The following AP1G1 variants were observed in gnomAD, a reference collection of about 807,000 sequenced individuals.
AP1G1 encodes the protein adaptor related protein complex 1 subunit gamma 1, also known as AP-1 complex subunit gamma-1.
Under a neutral mutation model 108.3 loss-of-function variants are expected in AP1G1, and 7 were observed. That is an observed-to-expected ratio of 0.06 (90% CI 0.04 to 0.12). The LOEUF (loss-of-function observed/expected upper bound fraction) is 0.12, where lower values mean the gene tolerates loss of function less well. Ranked by LOEUF, AP1G1 falls within the 10% of genes least tolerant of loss-of-function variation. The pLI, the probability that AP1G1 is intolerant of heterozygous loss-of-function variation, is 1.00. For missense variants in AP1G1, 756 were observed against 1,010.7 expected (o/e 0.75, Z 3.42); for synonymous variants, 379 against 353.5 (o/e 1.07, Z -0.81).
At chr16:71,748,057 A>T (rs2030277351) in intron 16 of AP1G1, among the ~76,000 whole-genome samples, 194 bp downstream of exon 16, 1 of 152,250 alleles carries the variant, frequency 6.6e-6, no homozygotes, top group South Asian at 2.1e-4. Flanking sequence ...GAGAGGGAAC[A>T]AAGTGCTGAT....
At chr16:71,772,603 C>T (rs1460859823) in intron 4 of AP1G1, among the ~76,000 whole-genome samples, 3 of 152,152 alleles carry the variant, frequency 2.0e-5, no homozygotes, top group East Asian at 1.9e-4. Flanking sequence ...ATGGCTTGGC[C>T]TTTTCAATGC....
At position 71,761,534 on chromosome 16, in the gene AP1G1, A is replaced by G. The variant is rs377729768; in HGVS notation, c.952T>C (p.Leu318=). The change falls in exon 10 of 23, where the codon TTG becomes CTG. Residue 318 remains leucine (L), a synonymous_variant. Transcript: ENST00000299980. Reference sequence around the variant, plus strand: ...TACCTAATATTCTTGTCATTGTTCAATAAGAAACGACCCAGGATATTTATG... The same window carrying G: ...TACCTAATATTCTTGTCATTGTTCAGTAAGAAACGACCCAGGATATTTATG... ...LAINILGRFL[L]NNDKNIRYVA... 2.4e-5 allele frequency: 38 copies of G among 1,606,582 alleles called. No individual in the cohort carries two copies. The highest frequency in any genetic ancestry group is 2.3e-4 in the African/African-American group (17 of 74,702).
intron 2 of AP1G1, among the ~76,000 whole-genome samples, chr16:71,782,948 G>C (rs578143138): frequency 6.6e-6 from 1 of 152,146 alleles, no homozygotes; most frequent in South Asian, 2.1e-4. Context: ...CCTGGATTTG[G>C]GATCAGCCAT....
chr16:71,770,621 G>A (rs998668139), intron 5 of AP1G1, among the ~76,000 whole-genome samples: 1 of 152,214 alleles, frequency 6.6e-6, no homozygotes, highest in Non-Finnish European at 1.5e-5. Context: ...GGGACCACAG[G>A]CATGTGCCAT....
intron 10 of AP1G1, among the ~76,000 whole-genome samples, chr16:71,760,303 G>T (rs552499332): frequency 6.6e-6 from 1 of 151,162 alleles, no homozygotes; most frequent in Admixed American, 6.6e-5. Flanking sequence ...AGCACTTCAG[G>T]AGGACAAGGT....
At chr16:71,772,907 G>A (rs906369024) in intron 4 of AP1G1, 5 of 389,132 alleles carry the variant, frequency 1.3e-5, no homozygotes, top group African/African-American at 8.4e-5. Flanking sequence ...ACAAAGATAT[G>A]GGTATTAATT....
intron 11 of AP1G1, 30 bp downstream of exon 11, chr16:71,758,778 C>G (rs2030933828): frequency 7.3e-7 from 1 of 1,369,516 alleles, no homozygotes; most frequent in Non-Finnish European, 1.0e-6. Flanking sequence ...ACCAAAAACA[C>G]TAGACTGAGA....
At chr16:71,780,284 G>A (rs1356621476) in intron 2 of AP1G1, among the ~76,000 whole-genome samples, 3 of 151,720 alleles carry the variant, frequency 2.0e-5, no homozygotes, top group Non-Finnish European at 4.4e-5. Flanking sequence ...CCACCGCGCC[G>A]GCCAAAAGTT....
chr16:71,774,926 G>GAA (rs1465804571), intron 2 of AP1G1, among the ~76,000 whole-genome samples: 1 of 151,172 alleles, frequency 6.6e-6, no homozygotes, highest in African/African-American at 2.4e-5. Flanking sequence ...TCACCATGTT[G>GAA]GTCAGGCTGG....
At chr16:71,756,804 T>G (rs896761484) in intron 11 of AP1G1, among the ~76,000 whole-genome samples, 1 of 151,624 alleles carries the variant, frequency 6.6e-6, no homozygotes, top group Non-Finnish European at 1.5e-5. Context: ...TAGCCGGGCA[T>G]GGTGGTGGGC....
chr16:71,766,461 C>T (rs970228052), intron 6 of AP1G1: 4 of 465,004 alleles, frequency 8.6e-6, no homozygotes, highest in South Asian at 1.6e-5. Context: ...TGATCAATTA[C>T]TTGATATTAA....
At chr16:71,739,667 A>T (rs2145416936) in intron 19 of AP1G1, among the ~76,000 whole-genome samples, 1 of 151,600 alleles carries the variant, frequency 6.6e-6, no homozygotes, top group South Asian at 2.1e-4. Context: ...TGGGAGGATC[A>T]CTGGAGCCTG....
In AP1G1 at chr16:71,730,013, A is replaced by G. The variant is rs2045462910; in HGVS notation, c.*3045T>C. 1 of 152,526 alleles carries G rather than the reference A, an allele frequency of 6.6e-6. No individual in the cohort carries two copies. Among genetic ancestry groups the G allele is most frequent in the Non-Finnish European group, 1.5e-5 (1 of 68,044 alleles). 9.4% of individuals were successfully genotyped at this position (152,526 alleles called of 1,614,324 possible). On this transcript the variant is annotated 3_prime_UTR_variant, in exon 23 of 23. Transcript: ENST00000299980. ...AACCATTAGTGTTGGACAGTTTTAA[A>G]AGTCTATTTTCATATATGAATGGGA...
intron 1 of AP1G1, among the ~76,000 whole-genome samples, chr16:71,799,792 G>A (rs1239154118): frequency 1.3e-5 from 2 of 151,876 alleles, no homozygotes; most frequent in South Asian, 2.1e-4. Context: ...CCAGCTACTC[G>A]GGAGGCTGAT....
intron 19 of AP1G1, chr16:71,742,481 C>T (rs901858384): frequency 2.6e-5 from 4 of 152,080 alleles, no homozygotes; most frequent in Non-Finnish European, 4.4e-5. Flanking sequence ...TAATATTTAC[C>T]AAGTGCCTAC....
intron 2 of AP1G1, among the ~76,000 whole-genome samples, chr16:71,784,555 T>C (rs1048516957): frequency 6.6e-6 from 1 of 152,144 alleles, no homozygotes; most frequent in South Asian, 2.1e-4. Flanking sequence ...AGGGCTAAGA[T>C]ATTTTTTTGT....
intron 6 of AP1G1, 21 bp downstream of exon 6, chr16:71,769,602 G>C (rs2031492696): frequency 1.1e-5 from 17 of 1,594,622 alleles, no homozygotes; most frequent in Non-Finnish European, 1.4e-5. Context: ...GAAAGGCTTA[G>C]GCATACAGAA....
Position 71,745,337 on chromosome 16 carries a change from C to A in AP1G1, c.1873-67G>T, listed in dbSNP as rs1053213491. 15 of 1,601,276 alleles carry A rather than the reference C, an allele frequency of 9.4e-6. No homozygotes were observed. In the East Asian group the frequency reaches 2.9e-4, roughly 31 times the overall value. On this transcript the variant is annotated intron_variant, in intron 18 of 22. Transcript: ENST00000299980. ...TGTCTAGTATACATCTAATGCAAAG[C>A]TCTTTCAATATGTAAAAATAAGGAA...
At chr16:71,797,308 CTATA>C (rs2032621221) in intron 1 of AP1G1, among the ~76,000 whole-genome samples, 1 of 151,800 alleles carries the variant, frequency 6.6e-6, no homozygotes, top group Non-Finnish European at 1.5e-5. Context: ...TTTTTAACTT[CTATA>C]TATAGTCTGC....
Sources: allele counts gnomAD v4.1 joint callset (sites outside exome capture counted in the v4.1 genomes callset), GRCh38; gene constraint gnomAD v4.1.1; transcripts MANE v1.5; gene names NCBI Gene and HGNC (gene_info 2026-07-23, HGNC 2026-07-21).